Variants in EPHB3 observed in about 807,000 individuals in gnomAD.
EPHB3 encodes ephrin type-B receptor 3.
EPHB3 carries 33 observed loss-of-function variants against 100.2 expected under a neutral mutation model. That is an observed-to-expected ratio of 0.33 (90% CI 0.25 to 0.44). The LOEUF is 0.44. Ranked by LOEUF, EPHB3 falls within the 20% of genes least tolerant of loss-of-function variation. The pLI, the probability that EPHB3 is intolerant of heterozygous loss-of-function variation, is 1.00. For missense variants in EPHB3, 1,045 were observed against 1,378.3 expected, an observed-to-expected ratio of 0.76 and a Z score of 3.83; for synonymous variants, 526 against 554.7, an observed-to-expected ratio of 0.95 and a Z score of 0.73.
chr3:184,581,404 G>T lies in EPHB3; in HGVS notation c.2884G>T (p.Ala962Ser), dbSNP rs763476526. 3.2e-6 allele frequency: 5 copies of T among 1,585,808 alleles called. No individual in the cohort carries two copies. In the Admixed American group the frequency reaches 8.6e-5, roughly 27 times the overall value. Residue 962 changes from alanine (A) to serine (S), a missense_variant, in exon 15 of 16, where the codon GCA becomes TCA. By Grantham distance (99) the Ala-to-Ser change is moderately conservative. This residue lies in a region of EPHB3 where 985 missense variants were observed against 1,331.1 expected (regional missense o/e 0.74). Coordinates refer to ENST00000330394, the MANE Select transcript of EPHB3 (RefSeq NM_004443.4). ...TTTTGACCTGGTGGCCCAGATGACG[G>T]CAGAGTAAGTGTGCCTCAGATTTGG... Reference protein sequence around the residue: ...ASFDLVAQMTAEDLLRIGVTL... With the variant: ...ASFDLVAQMTSEDLLRIGVTL...
At chr3:184,580,366 G>A in intron 11 of EPHB3, 36 bp from the exon 12 acceptor site, 1 of 1,613,526 alleles carries the variant, frequency 6.2e-7, no homozygotes, top group Non-Finnish European at 8.5e-7. Context: ...GCTGATGGGA[G>A]CAATGGGCTC....
rs755071121 is a variant in EPHB3 at position 184,580,896 on chromosome 3, A to G, written c.2538+18A>G. 27 of 1,610,140 alleles carry G rather than the reference A, an allele frequency of 1.7e-5. No individual in the cohort carries two copies. The Admixed American group carries it at 3.7e-4, about 22-fold the overall frequency. On this transcript the variant is annotated intron_variant, in intron 13 of 15. Coordinates refer to ENST00000330394, the MANE Select transcript of EPHB3 (RefSeq NM_004443.4). ...ACCAGGATGTGAGTGAGGCTACGCC[A>G]GAGTGGTTGGGTAGGTGGGTGCTGG...
At position 184,573,256 on chromosome 3, in the gene EPHB3, G is replaced by C. The variant is rs1577526487; in HGVS notation, c.856+80G>C. The stretch of plus-strand genomic sequence containing the variant: ...ACCTACCGCCCCGCCCCCCACCCCT[G>C]CTTGCTATCTGACTAGGAGGTCTGG... On this transcript the variant is annotated intron_variant, in intron 3 of 15. Coordinates refer to ENST00000330394, the MANE Select transcript of EPHB3 (RefSeq NM_004443.4). The surrounding 1 kb of genome is among the most constrained non-coding windows in gnomAD (Gnocchi z 4.5). The C allele has an allele frequency of 6.4e-7, 1 of 1,562,168 alleles. No homozygotes were observed. Among genetic ancestry groups the C allele is most frequent in the East Asian group, 2.3e-5 (1 of 43,796 alleles).
rs907760946 is a variant in EPHB3 at position 184,562,256 on chromosome 3, G to T, written c.21G>T (p.Pro7=). The change falls in exon 1 of 16, where the codon CCG becomes CCT. Residue 7 remains proline, a synonymous_variant. Transcript: ENST00000330394. This position sits in a 1 kb window ranked among gnomAD's most constrained non-coding sequence, Gnocchi z 4.8. ...CGGCCATGGCCAGAGCCCGCCCGCC[G>T]CCGCCGCCGTCGCCGCCGCCGGGGC... MARARP[P]PPPSPPPGLL... is the part of the protein sequence containing the mutation. 1.8e-6 allele frequency: 2 copies of T among 1,116,010 alleles called. No homozygotes were observed. Among genetic ancestry groups the T allele is most frequent in the African/African-American group, 3.3e-5 (2 of 60,410 alleles). The allele number at this position is 1,116,010 out of a possible 1,614,324, so 69.1% of individuals were successfully genotyped here.
chr3:184,576,241 C>A (rs149259695), intron 4 of EPHB3, among the ~76,000 whole-genome samples: 27 of 149,456 alleles, frequency 1.8e-4, no homozygotes, highest in Non-Finnish European at 3.7e-4. Context: ...CAGGAACTTG[C>A]TCCTAGCCAT....
rs1714485812 is a variant in EPHB3, at chr3:184,569,469, C to T, written c.119-1849C>T. Among the ~76,000 whole-genome samples the T allele has an allele frequency of 6.6e-6, 1 of 152,068 alleles. No individual in the cohort carries two copies. The highest frequency in any genetic ancestry group is 6.5e-5 in the Admixed American group (1 of 15,276). On this transcript the variant is annotated intron_variant, in intron 1 of 15. Transcript: ENST00000330394. The surrounding 1 kb of genome is among the most constrained non-coding windows in gnomAD (Gnocchi z 5.4). The stretch of plus-strand genomic sequence containing the variant: ...CCAGCTCCAGTCGCTGCCCCGCCCG[C>T]CTCCCTCCCCGCCTGTCTCTGTGGG...
At position 184,576,021 on chromosome 3, in the gene EPHB3, G is replaced by A. The variant is rs769773542; in HGVS notation, c.1012+36G>A. The A allele has an allele frequency of 8.9e-6, 14 of 1,567,854 alleles. No homozygotes were observed. In the South Asian group the frequency reaches 1.0e-4, roughly 12 times the overall value. The stretch of plus-strand genomic sequence containing the variant: ...GCGTGACCTCTCTTTCCCTCTGCAG[G>A]CCTTCCCTCTGGGGGGCCAGCCTGG... On this transcript the variant is annotated intron_variant, in intron 4 of 15. Transcript: ENST00000330394.
In EPHB3 at chr3:184,577,780, C is replaced by G. The variant is rs775444676; in HGVS notation, c.1602C>G (p.Tyr534Ter). The G allele has an allele frequency of 3.7e-6, 6 of 1,608,386 alleles. No individual in the cohort carries two copies. Residue 534 changes from tyrosine to a stop codon, truncating the protein, a stop_gained, in exon 7 of 16, where the codon TAC becomes TAG. Coordinates refer to ENST00000330394, the MANE Select transcript of EPHB3 (RefSeq NM_004443.4). LOFTEE classifies it high-confidence loss of function. This position sits in a 1 kb window ranked among gnomAD's most constrained non-coding sequence, Gnocchi z 4.9. ...RARTVAGYGQ[Y>*]SRPAEFETTS... Reference sequence around the variant, plus strand: ...GCACAGTAGCTGGCTATGGGCAGTACAGCCGCCCTGCCGAGTTTGAGACCA... The same window carrying G: ...GCACAGTAGCTGGCTATGGGCAGTAGAGCCGCCCTGCCGAGTTTGAGACCA...
Position 184,562,705 on chromosome 3 carries a change from C to A in EPHB3, c.118+352C>A, listed in dbSNP as rs1327324936. Among the ~76,000 whole-genome samples the A allele has an allele frequency of 6.6e-6, 1 of 151,602 alleles. No individual in the cohort carries two copies. Among genetic ancestry groups the A allele is most frequent in the East Asian group, 2.0e-4 (1 of 5,076 alleles). ...CCGAAGTCGAGGACGTGTGGGCGAC[C>A]CCCCAGGCAAGGCGAGGGCCGCGGG... On this transcript the variant is annotated intron_variant, in intron 1 of 15. Transcript: ENST00000330394. The surrounding 1 kb of genome is among the most constrained non-coding windows in gnomAD (Gnocchi z 4.8).
At chr3:184,568,194 C>T (rs889022191) in intron 1 of EPHB3, among the ~76,000 whole-genome samples, 2 of 152,158 alleles carry the variant, frequency 1.3e-5, no homozygotes, top group Admixed American at 6.5e-5. Context: ...CTGTGGAAAC[C>T]TGAAAGAGGT....
rs1247601836 is a variant in EPHB3, at chr3:184,565,881, G to GAAGCT, written c.118+3529_118+3533dup. ...GCTGCGAGCTGAAGCCGAAGCTGCC[G>GAAGCT]AAGCTGCCGTGGGCAAGGCCTCTGC... On this transcript the variant is annotated intron_variant, in intron 1 of 15. Transcript: ENST00000330394. The surrounding 1 kb of genome is among the most constrained non-coding windows in gnomAD (Gnocchi z 4.8). Among the ~76,000 whole-genome samples the GAAGCT allele has an allele frequency of 1.3e-5, 2 of 152,236 alleles. No homozygotes were observed. The highest frequency in any genetic ancestry group is 3.8e-4 in the East Asian group (2 of 5,202).
At position 184,565,414 on chromosome 3, in the gene EPHB3, AC is replaced by A. The variant is rs1183078483; in HGVS notation, c.118+3065del. Among the ~76,000 whole-genome samples the A allele has an allele frequency of 5.9e-5, 9 of 152,156 alleles. No homozygotes were observed. The highest frequency in any genetic ancestry group is 3.4e-3 in the Middle Eastern group (1 of 294). ...GCCTGAGATGAGGAATGGTGTCTGAACCCCAGCACCCCTATACTTGGGATAG... is the reference window on the plus strand; with the variant it reads ...GCCTGAGATGAGGAATGGTGTCTGAACCCAGCACCCCTATACTTGGGATAG... On this transcript the variant is annotated intron_variant, in intron 1 of 15. Transcript: ENST00000330394. The surrounding 1 kb of genome is among the most constrained non-coding windows in gnomAD (Gnocchi z 4.8).
In EPHB3 at chr3:184,565,524, C is replaced by T. The variant is rs1560052801; in HGVS notation, c.118+3171C>T. On this transcript the variant is annotated intron_variant, in intron 1 of 15. Transcript: ENST00000330394. The surrounding 1 kb of genome is among the most constrained non-coding windows in gnomAD (Gnocchi z 4.8). The stretch of plus-strand genomic sequence containing the variant: ...TCGCAGGAGGTGGGGCCAGCACGTC[C>T]CCCTCCAGCCAAGCCTTGGTAGCTG... 6.6e-6 allele frequency among the ~76,000 whole-genome samples: 1 copy of T among 152,194 alleles called. No individual in the cohort carries two copies. Among genetic ancestry groups the T allele is most frequent in the Non-Finnish European group, 1.5e-5 (1 of 68,030 alleles).
At position 184,573,203 on chromosome 3, in the gene EPHB3, G is replaced by T; in HGVS notation, c.856+27G>T. 6.2e-7 allele frequency: 1 copy of T among 1,606,744 alleles called. No individual in the cohort carries two copies. The highest frequency in any genetic ancestry group is 8.5e-7 in the Non-Finnish European group (1 of 1,179,800). On this transcript the variant is annotated intron_variant, in intron 3 of 15. Transcript: ENST00000330394. This position sits in a 1 kb window ranked among gnomAD's most constrained non-coding sequence, Gnocchi z 4.5. ...TGAGTGGGGACTGTCCTGGGGAAAG[G>T]GTTGTCGGGAGGGCCTGGGCCACAG... is the stretch of plus-strand genomic sequence containing the variant.
rs1310221097 is a variant in EPHB3 at position 184,579,740 on chromosome 3, G to T, written c.1978G>T (p.Val660Leu). The change falls in exon 11 of 16, where the codon GTG (valine) becomes TTG (leucine). Residue 660 changes from valine (V) to leucine (L), a missense_variant. Val to Leu is a conservative substitution (Grantham distance 32). Transcript: ENST00000330394. This position sits in a 1 kb window ranked among gnomAD's most constrained non-coding sequence, Gnocchi z 5.2. The part of the protein sequence containing the change: ...GRLKQPGRRE[V>L]FVAIKTLKVG... ...ACTGAAACAGCCTGGCCGCCGAGAG[G>T]TGTTTGTGGCCATCAAGACGCTGAA... is the stretch of plus-strand genomic sequence containing the variant. The T allele has an allele frequency of 6.2e-6, 10 of 1,613,470 alleles. No individual in the cohort carries two copies. The highest frequency in any genetic ancestry group is 4.0e-5 in the African/African-American group (3 of 74,914).
rs1280434598 is a variant in EPHB3 at position 184,576,876 on chromosome 3, T to C, written c.1047T>C (p.Asn349=). The C allele has an allele frequency of 1.9e-6, 3 of 1,559,012 alleles. No individual in the cohort carries two copies. The highest frequency in any genetic ancestry group is 1.7e-6 in the Non-Finnish European group (2 of 1,148,924). ...VPSPPRGVIS[N]VNETSLILEW... The stretch of plus-strand genomic sequence containing the variant: ...CTCCACCCCGAGGTGTGATCTCCAA[T>C]GTGAATGAAACCTCACTGATCCTCG... The change falls in exon 5 of 16, where the codon AAT becomes AAC. Residue 349 remains asparagine, a synonymous_variant. Transcript: ENST00000330394.
rs554423309 is a variant in EPHB3, at chr3:184,563,289, C to T, written c.118+936C>T. On this transcript the variant is annotated intron_variant, in intron 1 of 15. Coordinates refer to ENST00000330394, the MANE Select transcript of EPHB3 (RefSeq NM_004443.4). The surrounding 1 kb of genome is among the most constrained non-coding windows in gnomAD (Gnocchi z 4.1). ...ACTCACGCCCCGTTTCCAAGAATTT[C>T]GGAGCCATTAAATGAGAGAGGGTCA... Among the ~76,000 whole-genome samples the T allele has an allele frequency of 2.0e-5, 3 of 152,172 alleles. No homozygotes were observed. Among genetic ancestry groups the T allele is most frequent in the Non-Finnish European group, 2.9e-5 (2 of 68,008 alleles).
At position 184,568,596 on chromosome 3, in the gene EPHB3, C is replaced by CT. The variant is rs376857140; in HGVS notation, c.119-2722_119-2721insT. Among the ~76,000 whole-genome samples, 218 of 150,930 alleles carry CT rather than the reference C, an allele frequency of 1.4e-3. 3 individuals carry two copies. Among genetic ancestry groups the CT allele is most frequent in the African/African-American group, 5.0e-3 (205 of 41,034 alleles). Reference sequence around the variant, plus strand: ...CACGGACAGATGGGTTCTATGACCCCCCCCCCACATCCCCCTCACCTCCTG... The same window carrying CT: ...CACGGACAGATGGGTTCTATGACCCCTCCCCCCACATCCCCCTCACCTCCTG... On this transcript the variant is annotated intron_variant, in intron 1 of 15. Transcript: ENST00000330394.
Position 184,581,343 on chromosome 3 carries a change from G to T in EPHB3, c.2823G>T (p.Arg941=), listed in dbSNP as rs1270803334. Reference sequence around the variant, plus strand: ...GGCTGGATGCCATCAAGATGGGGCGGTACAAGGAGAGCTTCGTCAGTGCGG... The same window carrying T: ...GGCTGGATGCCATCAAGATGGGGCGTTACAAGGAGAGCTTCGTCAGTGCGG... ...GDWLDAIKMG[R]YKESFVSAGF... is the part of the protein sequence containing the mutation. The change falls in exon 15 of 16, where the codon CGG becomes CGT. Residue 941 remains arginine (R), a synonymous_variant. Coordinates refer to ENST00000330394, the MANE Select transcript of EPHB3 (RefSeq NM_004443.4). 4 of 1,610,100 alleles carry T rather than the reference G, an allele frequency of 2.5e-6. No individual in the cohort carries two copies. Among genetic ancestry groups the T allele is most frequent in the Non-Finnish European group, 3.4e-6 (4 of 1,177,836 alleles).
Sources: gnomAD v4.1 joint callset for allele counts (sites outside exome capture counted in the v4.1 genomes callset) on GRCh38, gnomAD v4.1.1 for gene constraint, gnomAD v4.1.1 regional missense constraint, Gnocchi (gnomAD v3.1) non-coding constraint, MANE v1.5 for transcripts, NCBI Gene and HGNC (gene_info 2026-07-23, HGNC 2026-07-21) for gene names.